Variants in GOLGA4 observed in about 807,000 individuals in gnomAD.
GOLGA4 encodes golgin subfamily A member 4.
GOLGA4 carries 169 observed loss-of-function variants against 265.9 expected under a neutral mutation model. The ratio of observed to expected loss-of-function variants is 0.64; its 90% CI spans 0.56 to 0.72. GOLGA4 has a LOEUF of 0.72. GOLGA4 is among the 30% of genes least tolerant of loss of function. The pLI is 0.00. For synonymous variants in GOLGA4, 923 were observed against 855.8 expected, an observed-to-expected ratio of 1.08 and a Z score of -1.37; for missense variants, 2,482 against 2,483.4, an observed-to-expected ratio of 1.00 and a Z score of 0.01.
At chr3:37,291,079 A>G (rs2096863292) in intron 5 of GOLGA4, among the ~76,000 whole-genome samples, 1 of 152,198 alleles carries the variant, frequency 6.6e-6, no homozygotes, top group Non-Finnish European at 1.5e-5. Context: ...GTTAATGATT[A>G]GATATACATA....
At chr3:37,298,023 C>T (rs1012085121) in intron 7 of GOLGA4, among the ~76,000 whole-genome samples, 2 of 150,552 alleles carry the variant, frequency 1.3e-5, no homozygotes, top group East Asian at 3.9e-4. Context: ...AGCGAGGCTC[C>T]GTCTCAAAAA....
Position 37,327,464 on chromosome 3 carries a change from G to T in GOLGA4, c.5578G>T (p.Asp1860Tyr). The T allele has an allele frequency of 6.2e-7, 1 of 1,613,126 alleles. No individual in the cohort carries two copies. The highest frequency in any genetic ancestry group is 1.3e-5 in the African/African-American group (1 of 74,910). Reference sequence around the variant, plus strand: ...TTTGGAGCAAAAGATAAAAGAGCTGGATTCCTGCTTAGTAAGACAGAAAGA... The same window carrying T: ...TTTGGAGCAAAAGATAAAAGAGCTGTATTCCTGCTTAGTAAGACAGAAAGA... ...QILEQKIKELDSCLVRQKEVH... is the reference protein window; with the variant it reads ...QILEQKIKELYSCLVRQKEVH... Residue 1860 changes from aspartate (D) to tyrosine (Y), a missense_variant, in exon 14 of 24, where the codon GAT becomes TAT. By Grantham distance (160) the Asp-to-Tyr change is radical. This residue lies in a region of GOLGA4 where 942 missense variants were observed against 983.1 expected (regional missense o/e 0.96). Transcript: ENST00000361924.
At chr3:37,292,660 C>G (rs1180534898) in intron 5 of GOLGA4, among the ~76,000 whole-genome samples, 1 of 151,464 alleles carries the variant, frequency 6.6e-6, no homozygotes, top group Non-Finnish European at 1.5e-5. Context: ...GCACTTCAGC[C>G]TGGTGACAGC....
At chr3:37,302,354 G>T in intron 10 of GOLGA4, 22 bp downstream of exon 10, 1 of 1,596,632 alleles carries the variant, frequency 6.3e-7, no homozygotes, top group African/African-American at 1.4e-5. Context: ...AGGGTTACTT[G>T]TTTTATGTTG....
At chr3:37,343,365 C>A (rs1028974938) in intron 20 of GOLGA4, among the ~76,000 whole-genome samples, 1 of 152,170 alleles carries the variant, frequency 6.6e-6, no homozygotes, top group Non-Finnish European at 1.5e-5. Context: ...GGGTGATCCG[C>A]CTGCCTCGGC....
intron 4 of GOLGA4, among the ~76,000 whole-genome samples, chr3:37,288,982 A>G (rs77920645): frequency 0.016 from 2,403 of 152,310 alleles, 30 homozygotes; most frequent in South Asian, 0.049. Flanking sequence ...ATGTCCATGC[A>G]TTTTAACAAA....
At position 37,349,675 on chromosome 3, in the gene GOLGA4, A is replaced by G. The variant is rs544301973; in HGVS notation, c.6576+2379A>G. ...TACAAGATCAGAGCTGTTTTTAGAC[A>G]TGTCTTTTGTGGGTTTGCCCAATTT... On this transcript the variant is annotated intron_variant, in intron 21 of 23. Transcript: ENST00000361924. Among the ~76,000 whole-genome samples the G allele has an allele frequency of 2.6e-5, 4 of 152,160 alleles. No individual in the cohort carries two copies. In the South Asian group the frequency reaches 8.3e-4, roughly 32 times the overall value.
chr3:37,272,392 C>T (rs1027094366), intron 2 of GOLGA4, among the ~76,000 whole-genome samples: 2 of 152,074 alleles, frequency 1.3e-5, no homozygotes, highest in Non-Finnish European at 2.9e-5. Flanking sequence ...CAAAAATTAG[C>T]TGGACCTGGT....
chr3:37,283,422 G>T (rs1453140255), intron 3 of GOLGA4, among the ~76,000 whole-genome samples: 1 of 152,126 alleles, frequency 6.6e-6, no homozygotes, highest in Non-Finnish European at 1.5e-5. Context: ...ATCTTTGTCT[G>T]TTACTTCACT....
chr3:37,300,881 C>G (rs114940685), intron 9 of GOLGA4, among the ~76,000 whole-genome samples: 2,157 of 152,146 alleles, frequency 0.014, 15 homozygotes, highest in Non-Finnish European at 0.022. Flanking sequence ...AAAGTTTTTT[C>G]ATTGCAATTG....
At chr3:37,254,340 AGTATATGCATCAAGGATATAGT>A (rs1201992180) in intron 2 of GOLGA4, among the ~76,000 whole-genome samples, 1 of 152,230 alleles carries the variant, frequency 6.6e-6, no homozygotes, top group Non-Finnish European at 1.5e-5. Flanking sequence ...AGATCATTTC[AGTATATGCATCAAGGATATAGT>A]GTATATGACA....
At chr3:37,362,090 G>T (rs973115775) in intron 23 of GOLGA4, among the ~76,000 whole-genome samples, 6 of 151,964 alleles carry the variant, frequency 3.9e-5, no homozygotes, top group African/African-American at 1.5e-4. Context: ...AATTAGTAGG[G>T]CTTCACTATA....
At chr3:37,292,580 GT>G (rs1465646465) in intron 5 of GOLGA4, among the ~76,000 whole-genome samples, 2 of 152,254 alleles carry the variant, frequency 1.3e-5, no homozygotes, top group African/African-American at 4.8e-5. Context: ...CAGCTACTCG[GT>G]AGGCTGAGGC....
At chr3:37,268,694 C>T (rs900380132) in intron 2 of GOLGA4, among the ~76,000 whole-genome samples, 2 of 152,152 alleles carry the variant, frequency 1.3e-5, no homozygotes, top group Non-Finnish European at 2.9e-5. Flanking sequence ...ACTTCAGCCT[C>T]CCAAGTAGCT....
At chr3:37,314,959 G>A (rs1443864219) in intron 10 of GOLGA4, among the ~76,000 whole-genome samples, 1 of 152,104 alleles carries the variant, frequency 6.6e-6, no homozygotes, top group African/African-American at 2.4e-5. Flanking sequence ...AATAAAATAT[G>A]CCTAAGAATA....
At chr3:37,329,246 G>A (rs946846436) in intron 16 of GOLGA4, 153 bp downstream of exon 16, 4 of 523,704 alleles carry the variant, frequency 7.6e-6, no homozygotes, top group Non-Finnish European at 1.3e-5. Context: ...GTTATATGCA[G>A]ATTTATAAAG....
intron 16 of GOLGA4, among the ~76,000 whole-genome samples, chr3:37,334,183 A>G (rs531922881): frequency 3.3e-5 from 5 of 152,346 alleles, no homozygotes; most frequent in Admixed American, 6.5e-5. Context: ...GAATGTAAGG[A>G]TGGAAAACAG....
rs2096847740 is a variant in GOLGA4 at position 37,286,058 on chromosome 3, A to G, written c.522A>G (p.Leu174=). The G allele has an allele frequency of 4.5e-6, 7 of 1,559,454 alleles. No individual in the cohort carries two copies. The highest frequency in any genetic ancestry group is 6.2e-6 in the Non-Finnish European group (7 of 1,134,424). ...TGCTTCAGAGAGAGAAGAAAAAGCTACAAGTAAGTGATTTGTCAACTGCAT... is the reference window on the plus strand; with the variant it reads ...TGCTTCAGAGAGAGAAGAAAAAGCTGCAAGTAAGTGATTTGTCAACTGCAT... The part of the protein sequence containing the change: ...YQMLQREKKK[L]QGILSQSQDK... Residue 174 remains leucine, a synonymous_variant, in exon 4 of 24, where the codon CTA becomes CTG. Coordinates refer to ENST00000361924, the MANE Select transcript of GOLGA4 (RefSeq NM_002078.5).
rs949689527 is a variant in GOLGA4, at chr3:37,243,676, C to A, written c.72+54C>A. 9.0e-6 allele frequency: 13 copies of A among 1,448,124 alleles called. No homozygotes were observed. In the East Asian group the frequency reaches 2.3e-4, roughly 26 times the overall value. 89.7% of individuals were successfully genotyped at this position (1,448,124 alleles called of 1,614,324 possible). A position where few individuals can be genotyped will look rare whatever the true frequency, so the allele number is the denominator to read the frequency against. Reference sequence around the variant, plus strand: ...GTTCCGAATACCTCTTGAACCGGCCCGCGGACGAAAGAGGCGGGGGGAGTG... The same window carrying A: ...GTTCCGAATACCTCTTGAACCGGCCAGCGGACGAAAGAGGCGGGGGGAGTG... On this transcript the variant is annotated intron_variant, in intron 1 of 23. Coordinates refer to ENST00000361924, the MANE Select transcript of GOLGA4 (RefSeq NM_002078.5).
Sources: allele counts gnomAD v4.1 joint callset (sites outside exome capture counted in the v4.1 genomes callset), GRCh38; gene constraint gnomAD v4.1.1; regional missense constraint gnomAD v4.1.1; transcripts MANE v1.5; gene names NCBI Gene and HGNC (gene_info 2026-07-23, HGNC 2026-07-21).